Variants in CACNA2D1 observed in about 807,000 individuals in gnomAD.
The protein encoded by CACNA2D1 is calcium voltage-gated channel auxiliary subunit alpha2delta 1, also known as voltage-dependent calcium channel subunit alpha-2/delta-1.
In CACNA2D1, 53 loss-of-function variants were observed where a neutral mutation model predicts 171.5. The ratio of observed to expected loss-of-function variants is 0.31; its 90% confidence interval spans 0.25 to 0.39. CACNA2D1 has a LOEUF of 0.39. Among genes scored for constraint, CACNA2D1 ranks in the 10% least tolerant of loss-of-function variants. CACNA2D1 has a pLI of 1.00. For synonymous variants in CACNA2D1, 442 were observed against 443.1 expected (o/e 1.00, Z 0.03); for missense variants, 903 against 1,299.8 (o/e 0.69, Z 4.69).
chr7:82,236,123 G>GA (rs78603184), intron 3 of CACNA2D1, among the ~76,000 whole-genome samples: 42,050 of 151,838 alleles, frequency 0.28, 7,088 homozygotes, highest in Non-Finnish European at 0.39. Flanking sequence ...CTTGTCGAGG[G>GA]AAACCAATAT....
chr7:82,396,651 G>A (rs1825786533), intron 1 of CACNA2D1, among the ~76,000 whole-genome samples: 1 of 152,134 alleles, frequency 6.6e-6, no homozygotes, highest in Non-Finnish European at 1.5e-5. Context: ...CCTTTTACAT[G>A]AAGCTCATTA....
rs1238430802 is a variant in CACNA2D1 at position 81,966,969 on chromosome 7, TAC to T, written c.2502+198_2502+199del. On this transcript the variant is annotated intron_variant, in intron 31 of 38. Transcript: ENST00000356860. ...CATTTTTTTACCTTCCAAGGATACATACATATTTTTAAAAATTCAAGCACTTT... is the reference window on the plus strand; with the variant it reads ...CATTTTTTTACCTTCCAAGGATACATATATTTTTAAAAATTCAAGCACTTT... Among the ~76,000 whole-genome samples the T allele has an allele frequency of 4.6e-5, 7 of 151,590 alleles. No individual in the cohort carries two copies. The East Asian group carries it at 1.4e-3, about 29-fold the overall frequency.
At chr7:82,216,891 C>A (rs1353404585) in intron 3 of CACNA2D1, among the ~76,000 whole-genome samples, 54 of 130,238 alleles carry the variant, frequency 4.1e-4, no homozygotes, top group South Asian at 7.2e-4. Flanking sequence ...AGCCTAAATC[C>A]AAAAAAAAAA....
rs559669190 is a variant in CACNA2D1 at position 82,416,218 on chromosome 7, AAATAAT to A, written c.95+27141_95+27146del. ...TAACAGCGCGAGACTCTGTCTCAAA[AAATAAT>A]AATAATAATAATAATAAAGAATTTA... is the stretch of plus-strand genomic sequence containing the variant. On this transcript the variant is annotated intron_variant, in intron 1 of 38. Coordinates refer to ENST00000356860, the MANE Select transcript of CACNA2D1 (RefSeq NM_000722.4). Among the ~76,000 whole-genome samples the A allele has an allele frequency of 8.6e-5, 13 of 151,614 alleles. No individual in the cohort carries two copies. In the South Asian group the frequency reaches 2.1e-3, roughly 24 times the overall value.
chr7:82,086,964 C>T (rs1390255071), intron 6 of CACNA2D1, among the ~76,000 whole-genome samples: 1 of 152,058 alleles, frequency 6.6e-6, no homozygotes, highest in African/African-American at 2.4e-5. Flanking sequence ...CCAGTTGATG[C>T]TTTGAAAATT....
At chr7:81,964,149 G>A in intron 33 of CACNA2D1, 41 bp from the exon 34 acceptor site, 1 of 1,604,830 alleles carries the variant, frequency 6.2e-7, no homozygotes, top group Non-Finnish European at 8.5e-7. Context: ...TAGTCTACTT[G>A]ATACTGAGGA....
intron 10 of CACNA2D1, among the ~76,000 whole-genome samples, chr7:82,059,322 T>C (rs1478799065): frequency 6.6e-6 from 1 of 152,194 alleles, no homozygotes; most frequent in Non-Finnish European, 1.5e-5. Context: ...GCTTCATAGT[T>C]CAGTACTTTC....
At chr7:82,052,650 A>T in intron 10 of CACNA2D1, among the ~76,000 whole-genome samples, 1 of 152,170 alleles carries the variant, frequency 6.6e-6, no homozygotes, top group East Asian at 1.9e-4. Flanking sequence ...AAGATTATAT[A>T]TAATGTGGTT....
intron 3 of CACNA2D1, among the ~76,000 whole-genome samples, chr7:82,177,363 A>G (rs1053695387): frequency 6.6e-6 from 1 of 152,088 alleles, no homozygotes; most frequent in African/African-American, 2.4e-5. Flanking sequence ...TGTAAATATC[A>G]TCTGATATTG....
intron 36 of CACNA2D1, among the ~76,000 whole-genome samples, 164 bp downstream of exon 36, chr7:81,961,730 T>C (rs1387890746): frequency 6.6e-6 from 1 of 152,026 alleles, no homozygotes; most frequent in Non-Finnish European, 1.5e-5. Flanking sequence ...AAACTAAAGA[T>C]TGCTGACATT....
intron 1 of CACNA2D1, among the ~76,000 whole-genome samples, chr7:82,390,646 C>A (rs1467180988): frequency 1.3e-5 from 2 of 152,002 alleles, no homozygotes; most frequent in Non-Finnish European, 2.9e-5. Flanking sequence ...TTCCAGAGAT[C>A]CTAGGAAGCC....
rs990749980 is a variant in CACNA2D1, at chr7:81,948,178, T to C, written c.*2214A>G. The C allele has an allele frequency of 7.2e-5, 11 of 151,906 alleles. No homozygotes were observed. Among genetic ancestry groups the C allele is most frequent in the African/African-American group, 2.7e-4 (11 of 41,442 alleles). The allele number at this position is 151,906 out of a possible 1,614,324, so 9.4% of individuals were successfully genotyped here. A position where few individuals can be genotyped will look rare whatever the true frequency, so the allele number is the denominator to read the frequency against. On this transcript the variant is annotated 3_prime_UTR_variant, in exon 39 of 39. Coordinates refer to ENST00000356860, the MANE Select transcript of CACNA2D1 (RefSeq NM_000722.4). Reference sequence around the variant, plus strand: ...TTATATACACAAACTAACAATTTTATATTTTGATACCCCCTTCCCAACACT... The same window carrying C: ...TTATATACACAAACTAACAATTTTACATTTTGATACCCCCTTCCCAACACT...
At chr7:81,958,399 T>C (rs1277094857) in intron 38 of CACNA2D1, among the ~76,000 whole-genome samples, 2 of 152,090 alleles carry the variant, frequency 1.3e-5, no homozygotes, top group African/African-American at 4.8e-5. Context: ...CATTGGTGTG[T>C]GCACACACTG....
chr7:82,190,744 T>C (rs1798210270), intron 3 of CACNA2D1, among the ~76,000 whole-genome samples: 1 of 151,628 alleles, frequency 6.6e-6, no homozygotes, highest in Admixed American at 6.6e-5. Flanking sequence ...AAAAAAGAAA[T>C]TCATAGAATC....
intron 1 of CACNA2D1, among the ~76,000 whole-genome samples, chr7:82,408,718 G>A (rs1440756661): frequency 6.6e-6 from 1 of 151,838 alleles, no homozygotes; most frequent in Non-Finnish European, 1.5e-5. Flanking sequence ...ATTGTACTTG[G>A]GCCTAAATCC....
chr7:82,263,341 C>T (rs910185288), intron 3 of CACNA2D1, among the ~76,000 whole-genome samples: 1 of 151,950 alleles, frequency 6.6e-6, no homozygotes, highest in Non-Finnish European at 1.5e-5. Context: ...GAACTCCTGA[C>T]CTCAAGTGAT....
intron 4 of CACNA2D1, among the ~76,000 whole-genome samples, chr7:82,154,795 A>G (rs1794211819): frequency 6.6e-6 from 1 of 152,160 alleles, no homozygotes; most frequent in Non-Finnish European, 1.5e-5. Flanking sequence ...TAGTAAAACA[A>G]GGTATAAGCA....
At position 82,066,526 on chromosome 7, in the gene CACNA2D1, TAAAAAA is replaced by T; in HGVS notation, c.659-8_659-3del. On this transcript the variant is annotated splice_region_variant and splice_polypyrimidine_tract_variant and intron_variant, in intron 7 of 38. Coordinates refer to ENST00000356860, the MANE Select transcript of CACNA2D1 (RefSeq NM_000722.4). ...TACTATTATCAACCCATGGTGAAGC[TAAAAAA>T]AAAAAAAAAAGAGAGATATTAAATC... The T allele has an allele frequency of 1.4e-6, 2 of 1,448,180 alleles. No individual in the cohort carries two copies. The highest frequency in any genetic ancestry group is 1.4e-5 in the South Asian group (1 of 73,542). 89.7% of individuals were successfully genotyped at this position (1,448,180 alleles called of 1,614,324 possible). A position where few individuals can be genotyped will look rare whatever the true frequency, so the allele number is the denominator to read the frequency against.
chr7:82,393,083 A>AAGGC (rs1204828684), intron 1 of CACNA2D1, among the ~76,000 whole-genome samples: 4,801 of 81,940 alleles, frequency 0.059, 293 homozygotes, highest in Non-Finnish European at 0.078. Flanking sequence ...GGAAGGAAGG[A>AAGGC]AGGCAGGCAG....
Sources: gnomAD v4.1 joint callset for allele counts (sites outside exome capture counted in the v4.1 genomes callset) on GRCh38, gnomAD v4.1.1 for gene constraint, MANE v1.5 for transcripts, NCBI Gene and HGNC (gene_info 2026-07-23, HGNC 2026-07-21) for gene names.